LHFPL3: variants seen among roughly 807,000 people sequenced by gnomAD.
The protein encoded by LHFPL3 is LHFPL tetraspan subfamily member 3.
Under a neutral mutation model 19.3 loss-of-function variants are expected in LHFPL3, and 5 were observed. That is an observed-to-expected ratio of 0.26 (90% CI 0.14 to 0.54). The LOEUF (loss-of-function observed/expected upper bound fraction) is 0.54, where lower values mean the gene tolerates loss of function less well. LHFPL3 is among the 20% of genes least tolerant of loss of function. The probability of loss-of-function intolerance (pLI) is 0.94; values close to 1 mark genes in which losing one functional copy is unlikely to be tolerated. For missense variants in LHFPL3, 249 were observed against 307.4 expected (o/e 0.81, Z 1.42); for synonymous variants, 133 against 126.2 (o/e 1.05, Z -0.36).
At chr7:104,407,233 A>T (rs984062500) in intron 1 of LHFPL3, among the ~76,000 whole-genome samples, 1 of 152,234 alleles carries the variant, frequency 6.6e-6, no homozygotes, top group African/African-American at 2.4e-5. Flanking sequence ...GTAAAACATA[A>T]CCCCGTCTTT....
chr7:104,824,609 ATTATATATATTATT>A lies in LHFPL3; in HGVS notation c.683-81555_683-81542del, dbSNP rs1170253713. Among the ~76,000 whole-genome samples, 1,960 of 67,914 alleles carry A rather than the reference ATTATATATATTATT, an allele frequency of 0.029. 163 individuals carry two copies. The East Asian group carries it at 0.34, about 12-fold the overall frequency. The allele number at this position is 67,914 out of a possible 152,430, so 44.6% of individuals were successfully genotyped here. A position where few individuals can be genotyped will look rare whatever the true frequency, so the allele number is the denominator to read the frequency against. ...TATATATAATTATATATTATATATA[ATTATATATATTATT>A]TTATATATATTATTTTATATATTAT... On this transcript the variant is annotated intron_variant, in intron 2 of 2. Transcript: ENST00000424859.
chr7:104,637,757 A>G (rs1009307495), intron 1 of LHFPL3, among the ~76,000 whole-genome samples: 1 of 149,138 alleles, frequency 6.7e-6, no homozygotes, highest in Admixed American at 6.7e-5. Context: ...TTTTTGTACC[A>G]GTATCATGCT....
intron 1 of LHFPL3, among the ~76,000 whole-genome samples, chr7:104,564,989 TA>T (rs1477331098): frequency 6.6e-6 from 1 of 152,206 alleles, no homozygotes; most frequent in Non-Finnish European, 1.5e-5. Flanking sequence ...TCCTGAAATG[TA>T]AGCCAAAAGA....
intron 2 of LHFPL3, among the ~76,000 whole-genome samples, chr7:104,859,260 C>G (rs1227407637): frequency 6.9e-6 from 1 of 143,976 alleles, no homozygotes; most frequent in Non-Finnish European, 1.5e-5. Flanking sequence ...GAGTAAGACA[C>G]TGTCTCAAAA....
At chr7:104,556,184 T>C (rs1789827668) in intron 1 of LHFPL3, among the ~76,000 whole-genome samples, 1 of 152,194 alleles carries the variant, frequency 6.6e-6, no homozygotes, top group African/African-American at 2.4e-5. Flanking sequence ...CTGGAGGACA[T>C]TGGCCCTCTT....
chr7:104,520,771 T>C (rs573828469), intron 1 of LHFPL3, among the ~76,000 whole-genome samples: 2 of 136,198 alleles, frequency 1.5e-5, no homozygotes, highest in East Asian at 4.1e-4. Flanking sequence ...GTAGTTTGTA[T>C]TTCTGTGGGA....
At chr7:104,859,835 A>C (rs565559245) in intron 2 of LHFPL3, among the ~76,000 whole-genome samples, 1 of 152,314 alleles carries the variant, frequency 6.6e-6, no homozygotes, top group African/African-American at 2.4e-5. Context: ...AATGTGGACT[A>C]TAAACTCTGG....
At chr7:104,507,004 A>G (rs1793712043) in intron 1 of LHFPL3, among the ~76,000 whole-genome samples, 1 of 152,234 alleles carries the variant, frequency 6.6e-6, no homozygotes, top group African/African-American at 2.4e-5. Context: ...ATAGCATATT[A>G]AGAAAGTTTT....
intron 1 of LHFPL3, among the ~76,000 whole-genome samples, chr7:104,604,100 C>G (rs903604997): frequency 6.6e-6 from 1 of 152,204 alleles, no homozygotes; most frequent in Non-Finnish European, 1.5e-5. Flanking sequence ...TCTGCCTTGG[C>G]CCCCAGGCTT....
chr7:104,374,686 T>C (rs1790676219), intron 1 of LHFPL3, among the ~76,000 whole-genome samples: 1 of 152,060 alleles, frequency 6.6e-6, no homozygotes, highest in Non-Finnish European at 1.5e-5. Context: ...CCTGCCTTGA[T>C]CTAATGGGAT....
intron 1 of LHFPL3, among the ~76,000 whole-genome samples, chr7:104,481,841 T>C (rs1044091811): frequency 6.6e-6 from 1 of 152,188 alleles, no homozygotes; most frequent in Non-Finnish European, 1.5e-5. Flanking sequence ...AGAAAGGACA[T>C]AGGCTCAAGA....
At chr7:104,671,877 G>C (rs1792489568) in intron 1 of LHFPL3, among the ~76,000 whole-genome samples, 1 of 152,104 alleles carries the variant, frequency 6.6e-6, no homozygotes, top group Admixed American at 6.5e-5. Flanking sequence ...ATTGGAGTTT[G>C]AATTTCTCTT....
At chr7:104,571,396 C>T (rs532303024) in intron 1 of LHFPL3, among the ~76,000 whole-genome samples, 21 of 152,002 alleles carry the variant, frequency 1.4e-4, no homozygotes, top group African/African-American at 3.9e-4. Context: ...GGATGAGGTG[C>T]GGGATAGAGT....
rs888675206 is a variant in LHFPL3 at position 104,877,040 on chromosome 7, A to G, written c.683-29147A>G. ...CTATCACAAGGACAAAAAACCAAAC[A>G]CCACATGTTCTCACTAATAGGTGGA... On this transcript the variant is annotated intron_variant, in intron 2 of 2. Coordinates refer to ENST00000424859, the MANE Select transcript of LHFPL3 (RefSeq NM_199000.3). 3.9e-5 allele frequency among the ~76,000 whole-genome samples: 6 copies of G among 152,262 alleles called. No homozygotes were observed. In the South Asian group the frequency reaches 6.2e-4, roughly 16 times the overall value.
chr7:104,456,798 G>A (rs1342282574), intron 1 of LHFPL3, among the ~76,000 whole-genome samples: 1 of 152,138 alleles, frequency 6.6e-6, no homozygotes, highest in Non-Finnish European at 1.5e-5. Context: ...CTAATGGGTG[G>A]GGAGCATCTA....
chr7:104,467,418 C>T (rs1177791995), intron 1 of LHFPL3, among the ~76,000 whole-genome samples: 1 of 152,234 alleles, frequency 6.6e-6, no homozygotes, highest in Non-Finnish European at 1.5e-5. Context: ...TAGTTCCCAC[C>T]CATCTATTTT....
intron 1 of LHFPL3, among the ~76,000 whole-genome samples, chr7:104,429,301 CT>C (rs71823474): frequency 1.2e-3 from 98 of 84,516 alleles, no homozygotes; most frequent in East Asian, 1.8e-3. Flanking sequence ...TATGTCATTC[CT>C]TTTTTTTTTT....
At chr7:104,436,958 A>C (rs1029860235) in intron 1 of LHFPL3, among the ~76,000 whole-genome samples, 1 of 152,224 alleles carries the variant, frequency 6.6e-6, no homozygotes, top group African/African-American at 2.4e-5. Context: ...AAAAATGGAA[A>C]TATCTCCATA....
At chr7:104,730,939 G>C (rs1053578381) in intron 1 of LHFPL3, among the ~76,000 whole-genome samples, 1 of 151,360 alleles carries the variant, frequency 6.6e-6, no homozygotes, top group Non-Finnish European at 1.5e-5. Flanking sequence ...GTAAGGAAGG[G>C]ATACAGTTTC....
Sources: gnomAD v4.1 joint callset for allele counts (sites outside exome capture counted in the v4.1 genomes callset) on GRCh38, gnomAD v4.1.1 for gene constraint, MANE v1.5 for transcripts, NCBI Gene and HGNC (gene_info 2026-07-23, HGNC 2026-07-21) for gene names.